Variants in TMEM150C observed in about 807,000 individuals in gnomAD.
TMEM150C encodes transmembrane protein 150C.
In TMEM150C, 10 loss-of-function variants were observed where a neutral mutation model predicts 29.9. That is an observed-to-expected ratio of 0.33 (90% CI 0.21 to 0.57). The LOEUF is 0.57. Among genes scored for constraint, TMEM150C ranks in the 20% least tolerant of loss-of-function variants. The pLI, the probability that TMEM150C is intolerant of heterozygous loss-of-function variation, is 0.88. For missense variants in TMEM150C, 251 were observed against 303.6 expected (o/e 0.83, Z 1.29); for synonymous variants, 101 against 112.5 (o/e 0.90, Z 0.64).
chr4:82,534,310 C>T (rs1724941691), intron 1 of TMEM150C, among the ~76,000 whole-genome samples: 1 of 152,162 alleles, frequency 6.6e-6, no homozygotes, highest in African/African-American at 2.4e-5. Context: ...AAGCCCCTCA[C>T]CTCACCCCTG....
intron 1 of TMEM150C, among the ~76,000 whole-genome samples, chr4:82,508,806 T>A (rs1724022777): frequency 6.6e-6 from 1 of 152,206 alleles, no homozygotes. Context: ...ACTCTGTTGA[T>A]ATTAATCTTC....
chr4:82,531,673 T>G (rs191035861), intron 1 of TMEM150C, among the ~76,000 whole-genome samples: 1 of 147,112 alleles, frequency 6.8e-6, no homozygotes, highest in East Asian at 2.0e-4. Flanking sequence ...GAGAAGTGCT[T>G]GAACCCGGGA....
At chr4:82,526,675 A>G (rs17005760) in intron 1 of TMEM150C, among the ~76,000 whole-genome samples, 10,298 of 152,202 alleles carry the variant, frequency 0.068, 570 homozygotes, top group African/African-American at 0.14. Flanking sequence ...CTCCTGGGCT[A>G]TTGTCACTAC....
chr4:82,515,951 T>TCA (rs756957330), intron 1 of TMEM150C, among the ~76,000 whole-genome samples: 33 of 152,156 alleles, frequency 2.2e-4, no homozygotes, highest in Admixed American at 4.6e-4. Context: ...TGGCCCATAG[T>TCA]CACAGCTCCA....
At chr4:82,550,862 G>GCCT (rs1725555495) in intron 1 of TMEM150C, among the ~76,000 whole-genome samples, 1 of 152,160 alleles carries the variant, frequency 6.6e-6, no homozygotes, top group East Asian at 1.9e-4. Context: ...AGGATGCACA[G>GCCT]TTATGTTCAG....
At chr4:82,492,864 G>GTATATATATA (rs58169287) in intron 6 of TMEM150C, among the ~76,000 whole-genome samples, 1,818 of 90,056 alleles carry the variant, frequency 0.02, 45 homozygotes, top group Middle Eastern at 0.04. Context: ...ATATGTTTGT[G>GTATATATATA]TATATATATA....
chr4:82,494,999 C>A, intron 6 of TMEM150C: 1 of 815,922 alleles, frequency 1.2e-6, no homozygotes, highest in Non-Finnish European at 2.0e-6. Context: ...TAGTACACTG[C>A]TTCTTCAGAG....
chr4:82,552,688 G>T (rs1258042420), intron 1 of TMEM150C, among the ~76,000 whole-genome samples: 2 of 152,188 alleles, frequency 1.3e-5, no homozygotes, highest in Non-Finnish European at 2.9e-5. Context: ...CAGAGATTCT[G>T]ATTTAATAGA....
intron 5 of TMEM150C, among the ~76,000 whole-genome samples, chr4:82,501,384 G>A (rs1218534576): frequency 2.0e-5 from 3 of 152,122 alleles, no homozygotes; most frequent in Non-Finnish European, 4.4e-5. Context: ...AAAGAGGAGA[G>A]CTTTTTTAAA....
At chr4:82,552,009 C>T (rs987714936) in intron 1 of TMEM150C, among the ~76,000 whole-genome samples, 20 of 152,128 alleles carry the variant, frequency 1.3e-4, no homozygotes, top group Admixed American at 1.3e-3. Context: ...ACTCTATGAG[C>T]TCCCAAGAAA....
chr4:82,560,513 A>G (rs560707102), intron 1 of TMEM150C, among the ~76,000 whole-genome samples: 6 of 152,360 alleles, frequency 3.9e-5, no homozygotes, highest in African/African-American at 1.4e-4. Flanking sequence ...TAGCTCATTA[A>G]TAGATGACAG....
chr4:82,548,991 T>A (rs903985919), intron 1 of TMEM150C, among the ~76,000 whole-genome samples: 2 of 152,150 alleles, frequency 1.3e-5, no homozygotes, highest in Non-Finnish European at 2.9e-5. Context: ...TTGCAGCCAA[T>A]GATTTGGCTT....
rs141834213 is a variant in TMEM150C at position 82,535,230 on chromosome 4, G to C, written c.-11+26676C>G. Among the ~76,000 whole-genome samples the C allele has an allele frequency of 4.1e-3, 632 of 152,300 alleles. 7 individuals carry two copies. Among genetic ancestry groups the C allele is most frequent in the African/African-American group, 0.014 (602 of 41,574 alleles). On this transcript the variant is annotated intron_variant, in intron 1 of 7. Transcript: ENST00000449862. The stretch of plus-strand genomic sequence containing the variant: ...GGAGGCTGGGAAGTCCATGATCAAG[G>C]GGTTGCATCTTGTGAGGGCTTTCTT...
At chr4:82,522,025 T>A (rs1724504635) in intron 1 of TMEM150C, among the ~76,000 whole-genome samples, 1 of 152,164 alleles carries the variant, frequency 6.6e-6, no homozygotes, top group Non-Finnish European at 1.5e-5. Context: ...ACTGCACCAC[T>A]GTACTCCAGC....
At chr4:82,518,180 T>C (rs1724356563) in intron 1 of TMEM150C, among the ~76,000 whole-genome samples, 1 of 151,892 alleles carries the variant, frequency 6.6e-6, no homozygotes, top group African/African-American at 2.4e-5. Context: ...GGCAGGCATA[T>C]TGGTAGGCAC....
chr4:82,522,265 C>G (rs1724512056), intron 1 of TMEM150C, among the ~76,000 whole-genome samples: 1 of 152,118 alleles, frequency 6.6e-6, no homozygotes, highest in Non-Finnish European at 1.5e-5. Flanking sequence ...CCAAAATCCA[C>G]AAGCGACCAA....
intron 1 of TMEM150C, among the ~76,000 whole-genome samples, chr4:82,532,872 G>A (rs367779421): frequency 3.9e-5 from 6 of 151,978 alleles, no homozygotes; most frequent in African/African-American, 1.5e-4. Flanking sequence ...AGGACTACAG[G>A]TGCCTACCAC....
At chr4:82,506,362 G>A (rs1723920590) in intron 1 of TMEM150C, among the ~76,000 whole-genome samples, 1 of 152,202 alleles carries the variant, frequency 6.6e-6, no homozygotes, top group South Asian at 2.1e-4. Flanking sequence ...CTAATAAAGT[G>A]TCTTTCAACA....
At chr4:82,538,787 G>A (rs532954232) in intron 1 of TMEM150C, among the ~76,000 whole-genome samples, 17 of 152,318 alleles carry the variant, frequency 1.1e-4, no homozygotes, top group Admixed American at 9.1e-4. Flanking sequence ...GGGACCAGGT[G>A]CAGTGGCTCA....
Sources: gnomAD v4.1 joint callset for allele counts (sites outside exome capture counted in the v4.1 genomes callset) on GRCh38, gnomAD v4.1.1 for gene constraint, MANE v1.5 for transcripts, NCBI Gene and HGNC (gene_info 2026-07-23, HGNC 2026-07-21) for gene names.